The following PDE9A variants were observed in gnomAD, a reference collection of about 807,000 sequenced individuals.
PDE9A encodes phosphodiesterase 9A.
Under a neutral mutation model 87.4 loss-of-function variants are expected in PDE9A, and 60 were observed. The observed-to-expected ratio is 0.69, with a 90% confidence interval of 0.56 to 0.85. The LOEUF (loss-of-function observed/expected upper bound fraction) is 0.85. Ranked by LOEUF, PDE9A falls within the 40% of genes least tolerant of loss-of-function variation. The pLI is 0.00. For synonymous variants in PDE9A, 272 were observed against 279.4 expected (o/e 0.97, Z 0.27); for missense variants, 665 against 779.0 (o/e 0.85, Z 1.74).
rs369661621 is a variant in PDE9A, at chr21:42,688,011, G to A, written c.218+17G>A. On this transcript the variant is annotated intron_variant, in intron 3 of 19. Coordinates refer to ENST00000291539, the MANE Select transcript of PDE9A (RefSeq NM_002606.3). ...TTCAGAACGGTAAGAGGCTCCGGCC[G>A]CGCTCCTCGGGGTGTGCCTGGCACT... The A allele has an allele frequency of 3.2e-4, 520 of 1,605,234 alleles. 1 individual carries two copies. The African/African-American group carries it at 6.2e-3, about 19-fold the overall frequency.
At chr21:42,728,890 A>C (rs2051422335) in intron 4 of PDE9A, among the ~76,000 whole-genome samples, 1 of 151,504 alleles carries the variant, frequency 6.6e-6, no homozygotes, top group African/African-American at 2.4e-5. Context: ...AATCCCAGCT[A>C]CTCAGGAGGC....
chr21:42,716,972 G>A (rs901741573), intron 4 of PDE9A, among the ~76,000 whole-genome samples: 25 of 150,964 alleles, frequency 1.7e-4, no homozygotes, highest in African/African-American at 5.6e-4. Flanking sequence ...GACTGGTCTC[G>A]AACTCCTGAC....
At chr21:42,698,688 A>T (rs1260106671) in intron 3 of PDE9A, among the ~76,000 whole-genome samples, 2 of 152,156 alleles carry the variant, frequency 1.3e-5, no homozygotes, top group Non-Finnish European at 2.9e-5. Flanking sequence ...TTCCAACTTG[A>T]TACAGCACCT....
chr21:42,756,119 G>A (rs1405080203), intron 10 of PDE9A, among the ~76,000 whole-genome samples: 1 of 152,246 alleles, frequency 6.6e-6, no homozygotes, highest in African/African-American at 2.4e-5. Flanking sequence ...GCCTCTGGGT[G>A]GCATCTCCCA....
chr21:42,658,366 C>T (rs1304761660), intron 1 of PDE9A, among the ~76,000 whole-genome samples: 2 of 152,218 alleles, frequency 1.3e-5, no homozygotes, highest in East Asian at 3.9e-4. Flanking sequence ...GCCCCTCTGC[C>T]TTCATTTCTT....
At chr21:42,665,336 C>T (rs2057894415) in intron 1 of PDE9A, among the ~76,000 whole-genome samples, 1 of 152,206 alleles carries the variant, frequency 6.6e-6, no homozygotes, top group African/African-American at 2.4e-5. Flanking sequence ...GTTATAGCAG[C>T]CCCAGGACAC....
At position 42,692,853 on chromosome 21, in the gene PDE9A, G is replaced by A. The variant is rs1044147645; in HGVS notation, c.218+4859G>A. On this transcript the variant is annotated intron_variant, in intron 3 of 19. Transcript: ENST00000291539. This position sits in a 1 kb window ranked among gnomAD's most constrained non-coding sequence, Gnocchi z 4.3. ...TCCTCAGAGATGTGCTTCGGGGCCC[G>A]CACGCCTTGCTCCTCGCACTCTTCC... Among the ~76,000 whole-genome samples the A allele has an allele frequency of 1.3e-5, 2 of 152,142 alleles. No individual in the cohort carries two copies. The highest frequency in any genetic ancestry group is 6.5e-5 in the Admixed American group (1 of 15,288).
intron 4 of PDE9A, among the ~76,000 whole-genome samples, chr21:42,703,779 C>T (rs1200911335): frequency 1.3e-5 from 2 of 152,170 alleles, no homozygotes; most frequent in African/African-American, 2.4e-5. Context: ...TGCAGCCCTC[C>T]TGCAACTTGG....
intron 3 of PDE9A, among the ~76,000 whole-genome samples, chr21:42,693,386 C>T (rs1483290463): frequency 6.6e-6 from 1 of 151,446 alleles, no homozygotes; most frequent in East Asian, 1.9e-4. Context: ...GCAAGCTCTG[C>T]CTTCCGGGTT....
intron 7 of PDE9A, among the ~76,000 whole-genome samples, chr21:42,741,929 TG>T (rs1335463555): frequency 6.6e-6 from 1 of 152,174 alleles, no homozygotes; most frequent in Non-Finnish European, 1.5e-5. Flanking sequence ...AGTGGTATCG[TG>T]GGAGTATCCT....
chr21:42,670,424 TTA>T (rs1413139529), intron 1 of PDE9A, among the ~76,000 whole-genome samples: 13 of 96,198 alleles, frequency 1.4e-4, no homozygotes, highest in African/African-American at 5.0e-4. Context: ...TCACACGCAC[TTA>T]CAGTCACACA....
intron 4 of PDE9A, among the ~76,000 whole-genome samples, chr21:42,715,016 T>C (rs1401418057): frequency 1.3e-5 from 2 of 152,210 alleles, no homozygotes; most frequent in South Asian, 4.1e-4. Flanking sequence ...CACGTTGCTA[T>C]TTGCTGTTTC....
chr21:42,765,881 C>G (rs993722755), intron 15 of PDE9A, among the ~76,000 whole-genome samples: 6 of 152,348 alleles, frequency 3.9e-5, no homozygotes, highest in South Asian at 2.1e-4. Context: ...TCCCGCTCCC[C>G]AAGCCAGCAT....
intron 4 of PDE9A, among the ~76,000 whole-genome samples, chr21:42,707,665 A>G (rs569261232): frequency 6.6e-6 from 1 of 152,014 alleles, no homozygotes; most frequent in South Asian, 2.1e-4. Flanking sequence ...AGGATTTCCA[A>G]CTAAGAACCT....
intron 1 of PDE9A, among the ~76,000 whole-genome samples, chr21:42,666,798 G>GC (rs1212283830): frequency 1.3e-5 from 2 of 152,256 alleles, no homozygotes; most frequent in African/African-American, 4.8e-5. Context: ...ACGGGACACA[G>GC]TTCAGTCCAT....
Position 42,699,011 on chromosome 21 carries a change from G to A in PDE9A, c.262G>A (p.Ala88Thr), listed in dbSNP as rs369519922. ...ACCTGTGGCCATCAAGCAACTCTCC[G>A]GTAAGGCCCTGCTGTCGTTTTTTAA... The part of the protein sequence containing the change: ...VRPVAIKQLS[A>T]GVEDKRTTSR... The change falls in exon 4 of 20, where the codon GCT (alanine) becomes ACT (threonine). Residue 88 changes from alanine to threonine, a missense_variant and splice_region_variant. Ala to Thr is a moderately conservative substitution (Grantham distance 58). Transcript: ENST00000291539. The A allele has an allele frequency of 7.5e-6, 12 of 1,606,798 alleles. No homozygotes were observed. Among genetic ancestry groups the A allele is most frequent in the African/African-American group, 1.3e-5 (1 of 74,728 alleles).
intron 1 of PDE9A, among the ~76,000 whole-genome samples, chr21:42,661,781 C>T (rs1273395780): frequency 6.6e-6 from 1 of 152,212 alleles, no homozygotes; most frequent in Non-Finnish European, 1.5e-5. Flanking sequence ...GGCCTCTCCA[C>T]GTCTTGAGTC....
At chr21:42,682,647 C>T (rs780332127) in intron 1 of PDE9A, among the ~76,000 whole-genome samples, 10 of 152,232 alleles carry the variant, frequency 6.6e-5, no homozygotes, top group Non-Finnish European at 1.2e-4. Flanking sequence ...AAGGCCCCCA[C>T]GATATTCCAA....
intron 14 of PDE9A, among the ~76,000 whole-genome samples, chr21:42,762,618 G>A (rs1453069609): frequency 3.9e-5 from 6 of 152,176 alleles, no homozygotes; most frequent in Non-Finnish European, 8.8e-5. Context: ...TCCAACATAG[G>A]AGAGCTGCCC....
Sources: allele counts gnomAD v4.1 joint callset (sites outside exome capture counted in the v4.1 genomes callset), GRCh38; gene constraint gnomAD v4.1.1; non-coding constraint Gnocchi (gnomAD v3.1); transcripts MANE v1.5; gene names NCBI Gene and HGNC (gene_info 2026-07-23, HGNC 2026-07-21).